Variants in CEP128 observed in about 807,000 individuals in gnomAD.
CEP128 encodes centrosomal protein 128, also known as centrosomal protein 128kDa.
A neutral mutation model predicts 156.7 loss-of-function variants in CEP128; 132 were observed. That is an observed-to-expected ratio of 0.84 (90% CI 0.73 to 0.97). The LOEUF (loss-of-function observed/expected upper bound fraction) is 0.97, where lower values mean the gene tolerates loss of function less well. CEP128 is among the 50% of genes least tolerant of loss of function. The pLI, the probability that CEP128 is intolerant of heterozygous loss-of-function variation, is 0.00. For missense variants in CEP128, 1,252 were observed against 1,281.9 expected, an observed-to-expected ratio of 0.98 and a Z score of 0.36; for synonymous variants, 469 against 448.9, an observed-to-expected ratio of 1.04 and a Z score of -0.57.
At chr14:80,539,835 G>A (rs529487622) in intron 21 of CEP128, among the ~76,000 whole-genome samples, 1 of 152,028 alleles carries the variant, frequency 6.6e-6, no homozygotes, top group Non-Finnish European at 1.5e-5. Context: ...ATGCATTCCT[G>A]GGGGGAGGTC....
intron 21 of CEP128, among the ~76,000 whole-genome samples, chr14:80,540,199 C>CCG: frequency 1.1e-5 from 1 of 93,884 alleles, no homozygotes; most frequent in South Asian, 2.8e-4. Flanking sequence ...GTTCTTACAC[C>CCG]CCCCCCCCTT....
intron 21 of CEP128, among the ~76,000 whole-genome samples, chr14:80,532,152 C>T (rs937687390): frequency 6.6e-6 from 1 of 152,066 alleles, no homozygotes; most frequent in African/African-American, 2.4e-5. Flanking sequence ...AGTCAACTGG[C>T]TCATTTTGTG....
intron 19 of CEP128, among the ~76,000 whole-genome samples, chr14:80,647,011 A>ATATATATATATATATGTG (rs1233103116): frequency 4.1e-5 from 3 of 72,524 alleles, no homozygotes; most frequent in South Asian, 4.7e-4. Context: ...ATATATATAT[A>ATATATATATATATATGTG]TGTGTGTGTA....
intron 1 of CEP128, among the ~76,000 whole-genome samples, chr14:80,958,601 G>C (rs913404952): frequency 5.3e-5 from 8 of 152,194 alleles, no homozygotes; most frequent in Admixed American, 3.3e-4. Context: ...GAGAGTGGAA[G>C]AGAGGCAAGG....
At chr14:80,944,403 A>G (rs1886277774), upstream of CEP128, among the ~76,000 whole-genome samples, 2 of 152,144 alleles carry the variant, frequency 1.3e-5, no homozygotes, top group African/African-American at 2.4e-5. Flanking sequence ...TGATGGTTTT[A>G]TAAGAGGATT....
chr14:80,713,462 T>C (rs1897487391), intron 19 of CEP128, among the ~76,000 whole-genome samples: 1 of 152,160 alleles, frequency 6.6e-6, no homozygotes, highest in African/African-American at 2.4e-5. Flanking sequence ...GGCAAACTCC[T>C]ATTTAACCCT....
At chr14:80,527,163 T>C in intron 22 of CEP128, 181 bp from the exon 23 acceptor site, 1 of 562,412 alleles carries the variant, frequency 1.8e-6, no homozygotes, top group Non-Finnish European at 3.2e-6. Flanking sequence ...ACACAGTGGC[T>C]CAAACCTGTA....
At chr14:80,755,066 C>G (rs1899585287) in intron 18 of CEP128, among the ~76,000 whole-genome samples, 1 of 152,072 alleles carries the variant, frequency 6.6e-6, no homozygotes, top group Non-Finnish European at 1.5e-5. Context: ...GGCAGACTCA[C>G]CCTTAATCTG....
At chr14:80,814,835 A>T (rs1884756782) in intron 13 of CEP128, among the ~76,000 whole-genome samples, 1 of 152,096 alleles carries the variant, frequency 6.6e-6, no homozygotes, top group Admixed American at 6.5e-5. Flanking sequence ...GAGGCAGGCA[A>T]ATCACGAGGT....
At chr14:80,700,066 A>T (rs1468352176) in intron 19 of CEP128, among the ~76,000 whole-genome samples, 1 of 152,182 alleles carries the variant, frequency 6.6e-6, no homozygotes, top group Non-Finnish European at 1.5e-5. Flanking sequence ...CCTCCCACAG[A>T]TTCTTCCAAT....
intron 3 of CEP128, 60 bp from the exon 4 acceptor site, chr14:80,914,468 T>C (rs1334962994): frequency 4.0e-6 from 5 of 1,251,696 alleles, no homozygotes; most frequent in Non-Finnish European, 5.9e-6. Context: ...CTAATCAATC[T>C]TAGTAGTATG....
intron 19 of CEP128, among the ~76,000 whole-genome samples, chr14:80,627,028 C>T (rs1410256796): frequency 6.6e-6 from 1 of 152,218 alleles, no homozygotes; most frequent in Non-Finnish European, 1.5e-5. Context: ...ATATTCCATA[C>T]AGTCCTGACA....
At chr14:80,646,466 A>C (rs1202260851) in intron 19 of CEP128, among the ~76,000 whole-genome samples, 1 of 152,072 alleles carries the variant, frequency 6.6e-6, no homozygotes, top group Non-Finnish European at 1.5e-5. Flanking sequence ...CATAACTATT[A>C]AGGATTCAAG....
intron 4 of CEP128, among the ~76,000 whole-genome samples, chr14:80,912,218 A>G (rs1356440402): frequency 4.0e-5 from 6 of 151,694 alleles, no homozygotes; most frequent in Admixed American, 1.3e-4. Context: ...TCCACCTCAA[A>G]AAAAAAAAAA....
chr14:80,871,410 C>T lies in CEP128; in HGVS notation c.646-8537G>A, dbSNP rs533933849. On this transcript the variant is annotated intron_variant, in intron 8 of 24. Transcript: ENST00000555265. ...AGCAAGATTTCAGAAATTAAAGGGA[C>T]AGGATTTTGTAATGGATTGGAAGTA... Among the ~76,000 whole-genome samples, 4 of 151,996 alleles carry T rather than the reference C, an allele frequency of 2.6e-5. No homozygotes were observed. The East Asian group carries it at 7.7e-4, about 29-fold the overall frequency.
intron 19 of CEP128, among the ~76,000 whole-genome samples, chr14:80,707,077 G>A (rs572136268): frequency 2.0e-5 from 3 of 152,180 alleles, no homozygotes; most frequent in East Asian, 1.9e-4. Context: ...TCCAGTACCC[G>A]ATTTATTTCA....
intron 13 of CEP128, among the ~76,000 whole-genome samples, chr14:80,811,772 A>C (rs1212529541): frequency 1.4e-5 from 2 of 145,354 alleles, no homozygotes; most frequent in Non-Finnish European, 3.0e-5. Flanking sequence ...TTTGGTTATT[A>C]TCTCTCTTCT....
At chr14:80,548,188 G>C (rs1290086268) in intron 21 of CEP128, among the ~76,000 whole-genome samples, 1 of 151,942 alleles carries the variant, frequency 6.6e-6, no homozygotes, top group Non-Finnish European at 1.5e-5. Flanking sequence ...TAAATAATTT[G>C]GCCAGGGTCA....
intron 19 of CEP128, among the ~76,000 whole-genome samples, chr14:80,667,586 C>T (rs990415961): frequency 1.3e-5 from 2 of 152,094 alleles, no homozygotes; most frequent in East Asian, 1.9e-4. Context: ...AGGCCGGGTG[C>T]GGTGGCTCAC....
Sources: gnomAD v4.1 joint callset for allele counts (sites outside exome capture counted in the v4.1 genomes callset) on GRCh38, gnomAD v4.1.1 for gene constraint, MANE v1.5 for transcripts, NCBI Gene and HGNC (gene_info 2026-07-23, HGNC 2026-07-21) for gene names.